CCND2: variants seen among roughly 807,000 people sequenced by gnomAD.
CCND2 encodes cyclin D2, also known as G1/S-specific cyclin-D2.
CCND2 carries 6 observed loss-of-function variants against 30.2 expected under a neutral mutation model. The observed-to-expected ratio is 0.20, with a 90% CI of 0.11 to 0.39. CCND2 has a LOEUF of 0.39. CCND2 is among the 10% of genes least tolerant of loss of function. The pLI, the probability that CCND2 is intolerant of heterozygous loss-of-function variation, is 1.00. For missense variants in CCND2, 235 were observed against 373.4 expected (o/e 0.63, Z 3.06); for synonymous variants, 150 against 153.1 (o/e 0.98, Z 0.15).
chr12:4,294,904 G>A (rs1864146986), intron 4 of CCND2, among the ~76,000 whole-genome samples: 1 of 152,220 alleles, frequency 6.6e-6, no homozygotes, highest in Non-Finnish European at 1.5e-5. Context: ...TTAAGGTGGA[G>A]GTCTTCCTCT....
chr12:4,280,310 A>G (rs937710745), intron 3 of CCND2, among the ~76,000 whole-genome samples: 1 of 152,216 alleles, frequency 6.6e-6, no homozygotes, highest in Non-Finnish European at 1.5e-5. Context: ...GGCTGCCCTT[A>G]CGTGTTTCTA....
In CCND2 at chr12:4,282,388, C is replaced by CA. The variant is rs1694820925; in HGVS notation, c.571+3470dup. On this transcript the variant is annotated intron_variant, in intron 3 of 4. Transcript: ENST00000261254. This position sits in a 1 kb window ranked among gnomAD's most constrained non-coding sequence, Gnocchi z 4.3. ...CAGAGCCCCATTGTTGACTAGAACC[C>CA]ATTGTGCTGTCCTAGCCCCTTCCCT... Among the ~76,000 whole-genome samples the CA allele has an allele frequency of 6.6e-6, 1 of 152,234 alleles. No individual in the cohort carries two copies. Among genetic ancestry groups the CA allele is most frequent in the African/African-American group, 2.4e-5 (1 of 41,470 alleles).
intron 3 of CCND2, among the ~76,000 whole-genome samples, chr12:4,283,733 C>A (rs375621134): frequency 6.6e-6 from 1 of 152,172 alleles, no homozygotes; most frequent in Non-Finnish European, 1.5e-5. Flanking sequence ...AGGAGGGAGG[C>A]GGGAATGTCG....
intron 4 of CCND2, among the ~76,000 whole-genome samples, chr12:4,297,496 G>A (rs548756918): frequency 2.6e-4 from 37 of 144,646 alleles, no homozygotes; most frequent in Admixed American, 1.6e-3. Context: ...GCTTGAACCC[G>A]AGAGGTGGAG....
Position 4,300,575 on chromosome 12 carries a change from AAGTC to A in CCND2, c.*569_*572del. On this transcript the variant is annotated 3_prime_UTR_variant, in exon 5 of 5. Coordinates refer to ENST00000261254, the MANE Select transcript of CCND2 (RefSeq NM_001759.4). ...CCTTTGCTCTCAGCCACCTGTTACT[AAGTC>A]AGGAGTGTAGTTGGATCTCTACATT... 4.3e-6 allele frequency: 1 copy of A among 234,110 alleles called. No individual in the cohort carries two copies. Among genetic ancestry groups the A allele is most frequent in the Non-Finnish European group, 8.5e-6 (1 of 118,336 alleles). The allele number at this position is 234,110 out of a possible 1,614,324, so 14.5% of individuals were successfully genotyped here. A position where few individuals can be genotyped will look rare whatever the true frequency, so the allele number is the denominator to read the frequency against.
Position 4,278,818 on chromosome 12 carries a change from A to T in CCND2, c.470A>T (p.His157Leu). The T allele has an allele frequency of 6.2e-7, 1 of 1,614,206 alleles. No individual in the cohort carries two copies. Among genetic ancestry groups the T allele is most frequent in the South Asian group, 1.1e-5 (1 of 91,084 alleles). ...TGGAACCTGGCAGCTGTCACTCCTC[A>T]TGACTTCATTGAGCACATCTTGCGC... is the stretch of plus-strand genomic sequence containing the variant. ...LKWNLAAVTP[H>L]DFIEHILRKL... Residue 157 changes from histidine to leucine, a missense_variant, in exon 3 of 5, where the codon CAT (histidine) becomes CTT (leucine). His to Leu is a moderately conservative substitution (Grantham distance 99). Transcript: ENST00000261254.
chr12:4,281,058 A>G (rs755946245), intron 3 of CCND2, among the ~76,000 whole-genome samples: 2 of 152,208 alleles, frequency 1.3e-5, no homozygotes, highest in Non-Finnish European at 2.9e-5. Flanking sequence ...ATACAGAGGC[A>G]GTTATAAAGA....
At chr12:4,292,574 A>G (rs1319886318) in intron 4 of CCND2, among the ~76,000 whole-genome samples, 2 of 152,304 alleles carry the variant, frequency 1.3e-5, no homozygotes, top group East Asian at 1.9e-4. Context: ...GCTCTGAGAA[A>G]GTCGGCCTTT....
intron 3 of CCND2, among the ~76,000 whole-genome samples, chr12:4,281,710 G>A (rs1394803314): frequency 6.6e-6 from 1 of 152,164 alleles, no homozygotes; most frequent in Non-Finnish European, 1.5e-5. Flanking sequence ...GCTGGCAGTG[G>A]TTCTGCAGTG....
intron 4 of CCND2, among the ~76,000 whole-genome samples, chr12:4,290,942 A>G (rs1236157366): frequency 2.0e-5 from 3 of 152,112 alleles, no homozygotes; most frequent in African/African-American, 2.4e-5. Flanking sequence ...GGTCAAGTTG[A>G]TACCTCATTT....
At position 4,299,940 on chromosome 12, in the gene CCND2, C is replaced by T. The variant is rs199959738; in HGVS notation, c.801C>T (p.Asp267=). The T allele has an allele frequency of 2.5e-5, 40 of 1,614,016 alleles. No homozygotes were observed. The highest frequency in any genetic ancestry group is 6.7e-5 in the African/African-American group (5 of 74,898). ...SLQQYRQDQR[D]GSKSEDELDQ... ...AGCAGTACCGTCAGGACCAACGTGA[C>T]GGATCCAAGTCGGAGGATGAACTGG... The change falls in exon 5 of 5, where the codon GAC becomes GAT. Residue 267 remains aspartate (D), a synonymous_variant. Transcript: ENST00000261254. This position sits in a 1 kb window ranked among gnomAD's most constrained non-coding sequence, Gnocchi z 5.2.
intron 4 of CCND2, among the ~76,000 whole-genome samples, chr12:4,296,185 T>C (rs1864165897): frequency 6.6e-6 from 1 of 152,262 alleles, no homozygotes; most frequent in Non-Finnish European, 1.5e-5. Flanking sequence ...TGGAGGGTCA[T>C]GCTGGCATGG....
chr12:4,288,928 G>T lies in CCND2; in HGVS notation c.658G>T (p.Val220Leu), dbSNP rs1864059258. ...AICGLQQDEE[V>L]SSLTCDALTE... is the part of the protein sequence containing the mutation. The stretch of plus-strand genomic sequence containing the variant: ...CTGTGGGCTCCAGCAGGATGAGGAA[G>T]TGAGCTCGCTCACTTGTGATGCCCT... Residue 220 changes from valine (V) to leucine (L), a missense_variant, in exon 4 of 5, where the codon GTG becomes TTG. By Grantham distance (32) the Val-to-Leu change is conservative (BLOSUM62 1). This residue lies in a region of CCND2 where 178 missense variants were observed against 322.8 expected (regional missense o/e 0.55). Transcript: ENST00000261254. 6.2e-7 allele frequency: 1 copy of T among 1,613,850 alleles called. No individual in the cohort carries two copies. The highest frequency in any genetic ancestry group is 8.5e-7 in the Non-Finnish European group (1 of 1,179,966).
Position 4,273,838 on chromosome 12 carries a change from G to GCTCT in CCND2, c.-202_-199dup, listed in dbSNP as rs1423009489. 3 of 605,992 alleles carry GCTCT rather than the reference G, an allele frequency of 5.0e-6. No individual in the cohort carries two copies. The highest frequency in any genetic ancestry group is 4.0e-5 in the South Asian group (2 of 50,586). 37.5% of individuals were successfully genotyped at this position (605,992 alleles called of 1,614,324 possible). ...CCGGTGCGAGTGAGGCAGCCCCGAG[G>GCTCT]CTCTGCTCGCCCACCACCCAATCCT... On this transcript the variant is annotated 5_prime_UTR_variant, in exon 1 of 5. Coordinates refer to ENST00000261254, the MANE Select transcript of CCND2 (RefSeq NM_001759.4). This position sits in a 1 kb window ranked among gnomAD's most constrained non-coding sequence, Gnocchi z 5.9.
chr12:4,289,583 C>T (rs960752514), intron 4 of CCND2, among the ~76,000 whole-genome samples: 8 of 152,250 alleles, frequency 5.3e-5, no homozygotes, highest in African/African-American at 1.7e-4. Context: ...TTATTAGCTA[C>T]GGAGCTTCCC....
chr12:4,291,155 G>A (rs1315405693), intron 4 of CCND2, among the ~76,000 whole-genome samples: 2 of 150,076 alleles, frequency 1.3e-5, no homozygotes, highest in African/African-American at 2.4e-5. Flanking sequence ...AGGCTGGTTC[G>A]CTCTCCCTGA....
At chr12:4,298,342 G>A (rs1480852622) in intron 4 of CCND2, among the ~76,000 whole-genome samples, 4 of 152,222 alleles carry the variant, frequency 2.6e-5, no homozygotes, top group Non-Finnish European at 5.9e-5. Flanking sequence ...ATAGATGAGA[G>A]ATAGGAAAGG....
intron 4 of CCND2, among the ~76,000 whole-genome samples, chr12:4,294,572 G>C (rs934446617): frequency 1.3e-5 from 2 of 152,044 alleles, no homozygotes; most frequent in Non-Finnish European, 2.9e-5. Flanking sequence ...GAGATTCTCT[G>C]GTCTGTATGT....
chr12:4,285,875 C>T lies in CCND2; in HGVS notation c.572-2967C>T, dbSNP rs755869411. Among the ~76,000 whole-genome samples the T allele has an allele frequency of 1.3e-5, 2 of 152,144 alleles. No homozygotes were observed. The highest frequency in any genetic ancestry group is 2.9e-5 in the Non-Finnish European group (2 of 68,024). On this transcript the variant is annotated intron_variant, in intron 3 of 4. Coordinates refer to ENST00000261254, the MANE Select transcript of CCND2 (RefSeq NM_001759.4). This position sits in a 1 kb window ranked among gnomAD's most constrained non-coding sequence, Gnocchi z 4.1. ...TGGTCCTGGGGCAGCCCTGGTGCCA[C>T]GGGGAAGTAGCGCCGCTCTGTGGAG... is the stretch of plus-strand genomic sequence containing the variant.
Sources: allele counts gnomAD v4.1 joint callset (sites outside exome capture counted in the v4.1 genomes callset), GRCh38; gene constraint gnomAD v4.1.1; regional missense constraint gnomAD v4.1.1; non-coding constraint Gnocchi (gnomAD v3.1); transcripts MANE v1.5; gene names NCBI Gene and HGNC (gene_info 2026-07-23, HGNC 2026-07-21).